Variants in SRBD1 observed in about 807,000 individuals in gnomAD.
SRBD1 encodes S1 RNA binding domain 1, also known as S1 RNA-binding domain-containing protein 1.
A neutral mutation model predicts 115.3 loss-of-function variants in SRBD1; 88 were observed. The ratio of observed to expected loss-of-function variants is 0.76; its 90% CI spans 0.64 to 0.91. SRBD1 has a LOEUF of 0.91. Ranked by LOEUF, SRBD1 falls within the 40% of genes least tolerant of loss-of-function variation. The pLI, the probability that SRBD1 is intolerant of heterozygous loss-of-function variation, is 0.00. For synonymous variants in SRBD1, 509 were observed against 407.7 expected, an observed-to-expected ratio of 1.25 and a Z score of -2.99; for missense variants, 1,385 against 1,177.4, an observed-to-expected ratio of 1.18 and a Z score of -2.58.
At chr2:45,518,826 G>C (rs986796871) in intron 14 of SRBD1, among the ~76,000 whole-genome samples, 3 of 151,788 alleles carry the variant, frequency 2.0e-5, no homozygotes, top group African/African-American at 7.3e-5. Flanking sequence ...ACGTTAATGA[G>C]GCAACAATTT....
At position 45,393,399 on chromosome 2, in the gene SRBD1, T is replaced by C. The variant is rs572078363; in HGVS notation, c.2514-270A>G. On this transcript the variant is annotated intron_variant, in intron 19 of 20. Coordinates refer to ENST00000263736, the MANE Select transcript of SRBD1 (RefSeq NM_018079.5). Reference sequence around the variant, plus strand: ...CACCAAAAACATTTTTTTGTTGTTGTTGAGACAGTCTTGCACTGTCACCTA... The same window carrying C: ...CACCAAAAACATTTTTTTGTTGTTGCTGAGACAGTCTTGCACTGTCACCTA... Among the ~76,000 whole-genome samples the C allele has an allele frequency of 7.2e-5, 11 of 152,322 alleles. No individual in the cohort carries two copies. In the South Asian group the frequency reaches 2.1e-3, roughly 29 times the overall value.
chr2:45,546,657 G>A, intron 14 of SRBD1, 75 bp downstream of exon 14: 2 of 1,370,120 alleles, frequency 1.5e-6, no homozygotes, highest in South Asian at 1.2e-5. Flanking sequence ...AAAAAGAGAA[G>A]GGAGGATTCA....
At chr2:45,525,878 A>G (rs948916755) in intron 14 of SRBD1, among the ~76,000 whole-genome samples, 1 of 152,078 alleles carries the variant, frequency 6.6e-6, no homozygotes, top group African/African-American at 2.4e-5. Flanking sequence ...AGTGCTCAAT[A>G]TCATTAGTCA....
intron 2 of SRBD1, among the ~76,000 whole-genome samples, chr2:45,604,845 A>C (rs1156474422): frequency 1.3e-5 from 2 of 152,174 alleles, no homozygotes; most frequent in Non-Finnish European, 2.9e-5. Flanking sequence ...CATTTACTTA[A>C]CAAATATCTT....
At chr2:45,486,651 T>G (rs1383148987) in intron 15 of SRBD1, among the ~76,000 whole-genome samples, 1 of 151,932 alleles carries the variant, frequency 6.6e-6, no homozygotes, top group African/African-American at 2.4e-5. Flanking sequence ...GAGAATGGCA[T>G]GAACCCCGGA....
At position 45,393,004 on chromosome 2, in the gene SRBD1, T is replaced by C. The variant is rs1371188087; in HGVS notation, c.2639A>G (p.His880Arg). 6.2e-7 allele frequency: 1 copy of C among 1,614,092 alleles called. No individual in the cohort carries two copies. The highest frequency in any genetic ancestry group is 8.5e-7 in the Non-Finnish European group (1 of 1,179,960). ...ACCATCTATGATGACCTGTAAGGTG[T>C]GTACTGTTGTTTGCAATCTTTCTGC... Reference protein sequence around the residue: ...KIAERLQTTVHTLQVIIDGLS... With the variant: ...KIAERLQTTVRTLQVIIDGLS... The change falls in exon 20 of 21, where the codon CAC (histidine) becomes CGC (arginine). Residue 880 changes from histidine (H) to arginine (R), a missense_variant. His to Arg is a conservative substitution (Grantham distance 29). Transcript: ENST00000263736.
intron 16 of SRBD1, among the ~76,000 whole-genome samples, chr2:45,448,540 T>C (rs574263119): frequency 2.6e-5 from 4 of 152,034 alleles, no homozygotes; most frequent in Non-Finnish European, 4.4e-5. Flanking sequence ...AATGTCGAAA[T>C]CACACAGGCA....
intron 16 of SRBD1, among the ~76,000 whole-genome samples, chr2:45,430,087 G>A (rs756325226): frequency 1.3e-5 from 2 of 152,156 alleles, no homozygotes; most frequent in African/African-American, 2.4e-5. Flanking sequence ...CAAGGGATGT[G>A]AAGGACCTCT....
At chr2:45,459,362 C>G (rs1268575466) in intron 16 of SRBD1, among the ~76,000 whole-genome samples, 1 of 152,260 alleles carries the variant, frequency 6.6e-6, no homozygotes, top group East Asian at 1.9e-4. Flanking sequence ...TGGATTATGA[C>G]CACAGCAACG....
At chr2:45,564,627 T>G (rs977931130) in intron 9 of SRBD1, among the ~76,000 whole-genome samples, 2 of 152,224 alleles carry the variant, frequency 1.3e-5, no homozygotes, top group Non-Finnish European at 2.9e-5. Flanking sequence ...TAATTTTTTT[T>G]AATTCCATTT....
At chr2:45,607,541 T>C (rs1674310641) in intron 1 of SRBD1, among the ~76,000 whole-genome samples, 1 of 151,644 alleles carries the variant, frequency 6.6e-6, no homozygotes, top group Admixed American at 6.6e-5. Flanking sequence ...CCAAAAAGAC[T>C]AACAAATTGC....
At chr2:45,432,450 A>G (rs1468800543) in intron 16 of SRBD1, among the ~76,000 whole-genome samples, 2 of 152,224 alleles carry the variant, frequency 1.3e-5, no homozygotes, top group African/African-American at 2.4e-5. Flanking sequence ...TTGCTATTCT[A>G]AGAACATTTC....
At chr2:45,422,734 TTATC>T (rs1182334356) in intron 16 of SRBD1, among the ~76,000 whole-genome samples, 1 of 152,196 alleles carries the variant, frequency 6.6e-6, no homozygotes, top group Non-Finnish European at 1.5e-5. Flanking sequence ...TGTGAGAAGT[TTATC>T]TATCGGCAAA....
intron 9 of SRBD1, among the ~76,000 whole-genome samples, chr2:45,565,304 G>A (rs1672792284): frequency 2.0e-5 from 3 of 152,056 alleles, no homozygotes; most frequent in Non-Finnish European, 4.4e-5. Context: ...GAATAGAATC[G>A]GAGTCCAGAA....
intron 14 of SRBD1, among the ~76,000 whole-genome samples, chr2:45,523,614 G>C (rs1032043685): frequency 5.9e-5 from 9 of 151,462 alleles, no homozygotes; most frequent in African/African-American, 2.2e-4. Context: ...TTACTGGAAA[G>C]ACACAAACTA....
intron 16 of SRBD1, among the ~76,000 whole-genome samples, chr2:45,427,361 G>A (rs545424918): frequency 2.7e-4 from 41 of 152,086 alleles, no homozygotes; most frequent in African/African-American, 9.9e-4. Flanking sequence ...ACCCATCAGT[G>A]TGCTGTATTC....
chr2:45,492,501 C>T (rs1250700845), intron 14 of SRBD1, among the ~76,000 whole-genome samples: 1 of 152,108 alleles, frequency 6.6e-6, no homozygotes, highest in Non-Finnish European at 1.5e-5. Context: ...TGCAGTGGCG[C>T]CATCTCCGCT....
At chr2:45,581,449 C>T (rs753923497) in intron 6 of SRBD1, among the ~76,000 whole-genome samples, 66 of 152,264 alleles carry the variant, frequency 4.3e-4, no homozygotes, top group South Asian at 1.7e-3. Flanking sequence ...TACTGTCCTT[C>T]CCTACTTGAC....
intron 14 of SRBD1, among the ~76,000 whole-genome samples, chr2:45,490,662 T>C (rs924708053): frequency 3.9e-5 from 6 of 152,172 alleles, no homozygotes; most frequent in Admixed American, 2.6e-4. Context: ...AAAATTCCAA[T>C]TAACTGTGGT....
Sources: allele counts gnomAD v4.1 joint callset (sites outside exome capture counted in the v4.1 genomes callset), GRCh38; gene constraint gnomAD v4.1.1; transcripts MANE v1.5; gene names NCBI Gene and HGNC (gene_info 2026-07-23, HGNC 2026-07-21).